KCNMB2: variants seen among roughly 807,000 people sequenced by gnomAD.
The protein encoded by KCNMB2 is calcium-activated potassium channel subunit beta-2.
A neutral mutation model predicts 24.5 loss-of-function variants in KCNMB2; 9 were observed. That is an observed-to-expected ratio of 0.37 (90% CI 0.22 to 0.64). KCNMB2 has a LOEUF of 0.64. KCNMB2 is among the 30% of genes least tolerant of loss of function. The pLI is 0.63. For synonymous variants in KCNMB2, 109 were observed against 104.4 expected (o/e 1.04, Z -0.27); for missense variants, 226 against 284.3 (o/e 0.79, Z 1.47).
Position 178,691,107 on chromosome 3 carries a change from C to CTTTT in KCNMB2, c.-67-116219_-67-116216dup, listed in dbSNP as rs71181241. 4.0e-3 allele frequency among the ~76,000 whole-genome samples: 316 copies of CTTTT among 79,714 alleles called. 40 individuals carry two copies. The highest frequency in any genetic ancestry group is 8.8e-3 in the Middle Eastern group (1 of 114). The allele number at this position is 79,714 out of a possible 152,430, so 52.3% of individuals were successfully genotyped here. A position where few individuals can be genotyped will look rare whatever the true frequency, so the allele number is the denominator to read the frequency against. ...TGTACAGCATAATTCCCCATTAAGT[C>CTTTT]TTTTTTTTTTTTTTTTTTTTGATAG... On this transcript the variant is annotated intron_variant, in intron 1 of 4. Coordinates refer to ENST00000452583, the MANE Select transcript of KCNMB2 (RefSeq NM_181361.3).
chr3:178,731,905 A>G (rs764471889), intron 1 of KCNMB2, among the ~76,000 whole-genome samples: 4 of 152,200 alleles, frequency 2.6e-5, no homozygotes, highest in Non-Finnish European at 5.9e-5. Flanking sequence ...CTCCGTCTCA[A>G]AATTAAAATC....
chr3:178,703,718 G>C (rs1722183626), intron 1 of KCNMB2, among the ~76,000 whole-genome samples: 4 of 152,136 alleles, frequency 2.6e-5, no homozygotes, highest in Admixed American at 2.6e-4. Flanking sequence ...ATTCTCCACA[G>C]GCCTTGTTTA....
intron 1 of KCNMB2, among the ~76,000 whole-genome samples, chr3:178,689,249 T>C (rs1436192859): frequency 1.3e-5 from 2 of 152,190 alleles, no homozygotes; most frequent in Non-Finnish European, 2.9e-5. Context: ...TCCTGGACTT[T>C]TAATACCATA....
At chr3:178,794,165 A>G (rs1018146879) in intron 1 of KCNMB2, among the ~76,000 whole-genome samples, 1 of 152,148 alleles carries the variant, frequency 6.6e-6, no homozygotes, top group African/African-American at 2.4e-5. Context: ...AACAACAGGC[A>G]TGACAAGATT....
chr3:178,610,786 A>C (rs1718453887), intron 1 of KCNMB2, among the ~76,000 whole-genome samples: 1 of 152,198 alleles, frequency 6.6e-6, no homozygotes. Context: ...TACTATTTTG[A>C]ATAGAATCCT....
intron 1 of KCNMB2, among the ~76,000 whole-genome samples, chr3:178,730,404 C>CG (rs1723107315): frequency 1.1e-5 from 1 of 92,716 alleles, no homozygotes; most frequent in Non-Finnish European, 2.2e-5. Context: ...TGTCCCCCAA[C>CG]ACCCCCCCAC....
At chr3:178,822,562 CA>C (rs1714674129) in intron 2 of KCNMB2, among the ~76,000 whole-genome samples, 1 of 135,714 alleles carries the variant, frequency 7.4e-6, no homozygotes, top group Non-Finnish European at 1.7e-5. Context: ...TCTTCCAAAT[CA>C]TGTATTCATT....
chr3:178,683,591 T>G (rs1297207265), intron 1 of KCNMB2, among the ~76,000 whole-genome samples: 1 of 152,182 alleles, frequency 6.6e-6, no homozygotes, highest in East Asian at 1.9e-4. Flanking sequence ...GATGTGTGTT[T>G]TATACTTATA....
At chr3:178,783,243 T>A (rs1577184630) in intron 1 of KCNMB2, among the ~76,000 whole-genome samples, 1 of 152,020 alleles carries the variant, frequency 6.6e-6, no homozygotes, top group African/African-American at 2.4e-5. Context: ...CCAGCTTTGT[T>A]CTTTTGGCTT....
chr3:178,582,622 G>A (rs1717258079), intron 1 of KCNMB2, among the ~76,000 whole-genome samples: 1 of 152,088 alleles, frequency 6.6e-6, no homozygotes, highest in Non-Finnish European at 1.5e-5. Flanking sequence ...TACAGGGCAA[G>A]TCATTCAAAA....
intron 1 of KCNMB2, among the ~76,000 whole-genome samples, chr3:178,565,035 A>T (rs936740699): frequency 6.6e-6 from 1 of 152,204 alleles, no homozygotes; most frequent in African/African-American, 2.4e-5. Context: ...AATATTTCTT[A>T]GTATAAAAAT....
chr3:178,733,239 G>A (rs1313865794), intron 1 of KCNMB2, among the ~76,000 whole-genome samples: 2 of 152,148 alleles, frequency 1.3e-5, no homozygotes, highest in African/African-American at 4.8e-5. Flanking sequence ...AGAGAGAATT[G>A]TTGATGCAAA....
chr3:178,678,288 G>T (rs556596940), intron 1 of KCNMB2, among the ~76,000 whole-genome samples: 5 of 152,252 alleles, frequency 3.3e-5, no homozygotes, highest in Non-Finnish European at 7.4e-5. Flanking sequence ...GAGGGGGAAG[G>T]GGGTGGTGCA....
intron 1 of KCNMB2, among the ~76,000 whole-genome samples, chr3:178,608,200 A>C (rs575379473): frequency 7.1e-4 from 108 of 152,292 alleles, no homozygotes; most frequent in African/African-American, 2.5e-3. Flanking sequence ...ACTTTGTGGG[A>C]TTTTTAACCC....
intron 1 of KCNMB2, among the ~76,000 whole-genome samples, chr3:178,577,587 C>T (rs915703488): frequency 6.6e-6 from 1 of 152,092 alleles, no homozygotes; most frequent in East Asian, 1.9e-4. Flanking sequence ...TAAAGGAGCA[C>T]GTTCTAACCC....
chr3:178,709,554 C>T (rs150162808), intron 1 of KCNMB2, among the ~76,000 whole-genome samples: 484 of 152,224 alleles, frequency 3.2e-3, no homozygotes, highest in African/African-American at 0.011. Context: ...GTTTTATATA[C>T]AGTACGATTC....
At chr3:178,591,099 C>G (rs1717653692) in intron 1 of KCNMB2, among the ~76,000 whole-genome samples, 1 of 152,110 alleles carries the variant, frequency 6.6e-6, no homozygotes, top group Non-Finnish European at 1.5e-5. Flanking sequence ...GGAGAGGAAG[C>G]TAATATTTCA....
chr3:178,796,895 G>A (rs905889759), intron 1 of KCNMB2, among the ~76,000 whole-genome samples: 1 of 151,810 alleles, frequency 6.6e-6, no homozygotes, highest in African/African-American at 2.4e-5. Context: ...AGACATAACA[G>A]AGAGCAGAAA....
chr3:178,724,165 G>C (rs919259599), intron 1 of KCNMB2, among the ~76,000 whole-genome samples: 2 of 151,800 alleles, frequency 1.3e-5, no homozygotes, highest in African/African-American at 2.4e-5. Context: ...TATTGTTTTT[G>C]TTGTTGTTGT....
Sources: gnomAD v4.1 joint callset for allele counts (sites outside exome capture counted in the v4.1 genomes callset) on GRCh38, gnomAD v4.1.1 for gene constraint, MANE v1.5 for transcripts, NCBI Gene and HGNC (gene_info 2026-07-23, HGNC 2026-07-21) for gene names.